The following DPH6 variants were observed in gnomAD, a reference collection of about 807,000 sequenced individuals.
DPH6 encodes the protein diphthine--ammonia ligase.
In DPH6, 33 loss-of-function variants were observed where a neutral mutation model predicts 38.2. The ratio of observed to expected loss-of-function variants is 0.86; its 90% CI spans 0.65 to 1.15. The LOEUF is 1.15. DPH6 is among the 50% of genes most tolerant of loss of function. DPH6 has a pLI of 0.00. For synonymous variants in DPH6, 108 were observed against 103.0 expected (o/e 1.05, Z -0.30); for missense variants, 325 against 320.0 (o/e 1.02, Z -0.12).
At chr15:35,333,222 T>C (rs1297520453) in intron 3 of DPH6, among the ~76,000 whole-genome samples, 2 of 152,184 alleles carry the variant, frequency 1.3e-5, no homozygotes, top group Admixed American at 6.6e-5. Flanking sequence ...AACAGATTGA[T>C]ATTGGTGATG....
chr15:35,413,771 G>A (rs1473000720), intron 5 of DPH6, among the ~76,000 whole-genome samples: 1 of 151,396 alleles, frequency 6.6e-6, no homozygotes, highest in African/African-American at 2.4e-5. Context: ...TATATGGCTG[G>A]ACCTGTTTCT....
chr15:35,239,456 C>G (rs1248559616), intron 3 of DPH6, among the ~76,000 whole-genome samples: 1 of 144,206 alleles, frequency 6.9e-6, no homozygotes, highest in African/African-American at 2.5e-5. Context: ...ATTATACACC[C>G]ACGTTTCAAG....
intron 3 of DPH6, among the ~76,000 whole-genome samples, chr15:35,350,795 A>T (rs2052504229): frequency 6.6e-6 from 1 of 152,160 alleles, no homozygotes; most frequent in Non-Finnish European, 1.5e-5. Context: ...TAGAGAAGAT[A>T]GATGGTATGA....
chr15:35,495,971 T>C (rs919703210), intron 3 of DPH6, among the ~76,000 whole-genome samples: 1 of 152,212 alleles, frequency 6.6e-6, no homozygotes, highest in Non-Finnish European at 1.5e-5. Context: ...CAATATATGA[T>C]ACTGAGACAA....
chr15:35,205,568 T>G, the DPH6 span, among the ~76,000 whole-genome samples: 2 of 152,106 alleles, frequency 1.3e-5, no homozygotes, highest in East Asian at 3.8e-4. Context: ...CTTATCAAAA[T>G]TTAGTATAGA....
At chr15:35,542,945 AATATATAT>A (rs67141062) in intron 1 of DPH6, among the ~76,000 whole-genome samples, 2 of 30,226 alleles carry the variant, frequency 6.6e-5, no homozygotes, top group East Asian at 1.4e-3. Flanking sequence ...CCACTTAAGG[AATATATAT>A]ATATATATAT....
At chr15:35,250,611 T>C (rs1595446581) in intron 3 of DPH6, among the ~76,000 whole-genome samples, 1 of 152,284 alleles carries the variant, frequency 6.6e-6, no homozygotes, top group East Asian at 1.9e-4. Flanking sequence ...ATCAGAGAAA[T>C]GTTTTTTTCA....
the DPH6 span, among the ~76,000 whole-genome samples, chr15:35,167,434 A>T: frequency 7.0e-6 from 1 of 142,174 alleles, no homozygotes; most frequent in African/African-American, 2.5e-5. Context: ...TCTAACTTTC[A>T]ATTAAAAAAA....
chr15:35,381,660 A>T (rs893354527), intron 7 of DPH6, among the ~76,000 whole-genome samples, 162 bp downstream of exon 7: 2 of 152,206 alleles, frequency 1.3e-5, no homozygotes, highest in Non-Finnish European at 2.9e-5. Flanking sequence ...GTATTGATTT[A>T]GATATTCAGA....
intron 3 of DPH6, among the ~76,000 whole-genome samples, chr15:35,231,248 T>C (rs1429114161): frequency 6.6e-6 from 1 of 152,194 alleles, no homozygotes; most frequent in Admixed American, 6.5e-5. Flanking sequence ...CTTGGGTGGG[T>C]GTCAACTGAG....
chr15:35,359,558 C>G (rs1366164566), intron 3 of DPH6, among the ~76,000 whole-genome samples: 1 of 152,190 alleles, frequency 6.6e-6, no homozygotes, highest in East Asian at 1.9e-4. Flanking sequence ...CTGCTGCTTC[C>G]TCCACCCCTG....
At chr15:35,234,032 C>A (rs528099328) in intron 3 of DPH6, among the ~76,000 whole-genome samples, 2 of 152,164 alleles carry the variant, frequency 1.3e-5, no homozygotes, top group Admixed American at 6.5e-5. Flanking sequence ...CCCAACCCCC[C>A]ACAGGAGGAA....
In DPH6 at chr15:35,536,862, T is replaced by C. The variant is rs141947397; in HGVS notation, c.312+1412A>G. ...CTTTTGGAGATATGACCACTAAAAGTAGGATTCTTTTAAGCCTTCTACCTT... is the reference window on the plus strand; with the variant it reads ...CTTTTGGAGATATGACCACTAAAAGCAGGATTCTTTTAAGCCTTCTACCTT... On this transcript the variant is annotated intron_variant, in intron 3 of 8. Transcript: ENST00000256538. 8.9e-4 allele frequency among the ~76,000 whole-genome samples: 136 copies of C among 152,158 alleles called. 2 individuals are homozygous for C. The East Asian group carries it at 0.025, about 28-fold the overall frequency.
chr15:35,537,929 T>C (rs1360423269), intron 3 of DPH6, among the ~76,000 whole-genome samples: 1 of 152,152 alleles, frequency 6.6e-6, no homozygotes, highest in Non-Finnish European at 1.5e-5. Flanking sequence ...TGTCTAGCAC[T>C]ATATGCCAGG....
rs563013982 is a variant in DPH6, at chr15:35,435,608, C to T, written c.505+15077G>A. Among the ~76,000 whole-genome samples the T allele has an allele frequency of 2.0e-5, 3 of 152,202 alleles. No homozygotes were observed. In the East Asian group the frequency reaches 5.8e-4, roughly 29 times the overall value. On this transcript the variant is annotated intron_variant, in intron 5 of 8. Transcript: ENST00000256538. ...ATGTGGGTGCATGTTGGCAGGACCC[C>T]CTCTTTCTTTTCTGAGAGCATTCTT...
At chr15:35,538,530 C>A (rs2055206767) in intron 2 of DPH6, 63 bp from the exon 3 acceptor site, 1 of 1,372,460 alleles carries the variant, frequency 7.3e-7, no homozygotes, top group Admixed American at 2.4e-5. Context: ...GATTTGAAAG[C>A]CCATCCAGGT....
chr15:35,236,955 T>C (rs1451533068), intron 3 of DPH6, among the ~76,000 whole-genome samples: 3 of 152,236 alleles, frequency 2.0e-5, no homozygotes, highest in African/African-American at 7.2e-5. Context: ...TTTTTGTTCC[T>C]AGTTGATAAA....
intron 1 of DPH6, among the ~76,000 whole-genome samples, chr15:35,545,838 T>C (rs2055341462): frequency 6.6e-6 from 1 of 150,434 alleles, no homozygotes; most frequent in Non-Finnish European, 1.5e-5. Flanking sequence ...GGCCCAGGCG[T>C]CGGTACTTTT....
At chr15:35,312,477 G>A (rs1353184088) in intron 3 of DPH6, among the ~76,000 whole-genome samples, 1 of 152,166 alleles carries the variant, frequency 6.6e-6, no homozygotes, top group Non-Finnish European at 1.5e-5. Context: ...GGCAGGCTGA[G>A]TATTACGAAA....
Sources: gnomAD v4.1 joint callset for allele counts (sites outside exome capture counted in the v4.1 genomes callset) on GRCh38, gnomAD v4.1.1 for gene constraint, MANE v1.5 for transcripts, NCBI Gene and HGNC (gene_info 2026-07-23, HGNC 2026-07-21) for gene names.